SCN8A: variants seen among roughly 807,000 people sequenced by gnomAD.
The protein encoded by SCN8A is sodium voltage-gated channel alpha subunit 8.
In SCN8A, 30 loss-of-function variants were observed where a neutral mutation model predicts 184.1. That is an observed-to-expected ratio of 0.16 (90% CI 0.12 to 0.22). The LOEUF (loss-of-function observed/expected upper bound fraction) is 0.22, where lower values mean the gene tolerates loss of function less well. SCN8A is among the 10% of genes least tolerant of loss of function. SCN8A has a pLI of 1.00. For missense variants in SCN8A, 1,057 were observed against 2,498.9 expected, an observed-to-expected ratio of 0.42 and a Z score of 12.30; for synonymous variants, 852 against 907.0, an observed-to-expected ratio of 0.94 and a Z score of 1.09.
At chr12:51,771,692 C>A (rs965332037) in intron 19 of SCN8A, among the ~76,000 whole-genome samples, 9 of 152,180 alleles carry the variant, frequency 5.9e-5, no homozygotes, top group African/African-American at 9.7e-5. Flanking sequence ...AGCCACTGAT[C>A]TGAGTGAAGG....
intron 3 of SCN8A, among the ~76,000 whole-genome samples, chr12:51,685,731 C>T (rs1273018353): frequency 6.6e-6 from 1 of 152,094 alleles, no homozygotes; most frequent in African/African-American, 2.4e-5. Flanking sequence ...AAAGACAATT[C>T]AGCCCTTTAG....
intron 14 of SCN8A, among the ~76,000 whole-genome samples, chr12:51,758,190 C>T (rs1942706536): frequency 6.6e-6 from 1 of 152,128 alleles, no homozygotes; most frequent in Non-Finnish European, 1.5e-5. Flanking sequence ...AGACATGCAG[C>T]TCATCCCTAT....
At chr12:51,639,867 T>C (rs1403338847) in intron 1 of SCN8A, among the ~76,000 whole-genome samples, 2 of 134,582 alleles carry the variant, frequency 1.5e-5, no homozygotes, top group Non-Finnish European at 3.2e-5. Context: ...ATTTTTTGAA[T>C]TAAGGTATAT....
chr12:51,790,126 C>G (rs1938203951), intron 24 of SCN8A, among the ~76,000 whole-genome samples: 1 of 152,250 alleles, frequency 6.6e-6, no homozygotes, highest in Non-Finnish European at 1.5e-5. Flanking sequence ...TCACTGCTCT[C>G]AAGTTTACCC....
At chr12:51,748,105 C>T (rs967257474) in intron 13 of SCN8A, among the ~76,000 whole-genome samples, 3 of 152,122 alleles carry the variant, frequency 2.0e-5, no homozygotes, top group Non-Finnish European at 2.9e-5. Flanking sequence ...AATGGCTGAC[C>T]GGAATCACGT....
chr12:51,676,215 T>C (rs1279411778), intron 2 of SCN8A, among the ~76,000 whole-genome samples: 2 of 152,180 alleles, frequency 1.3e-5, no homozygotes, highest in African/African-American at 4.8e-5. Flanking sequence ...AGGACACGGG[T>C]ACTCTGGAAA....
intron 20 of SCN8A, 84 bp from the exon 21 acceptor site, chr12:51,780,565 C>CTTTTCTTT (rs1937873541): frequency 3.4e-6 from 1 of 293,020 alleles, no homozygotes; most frequent in African/African-American, 1.3e-4. Context: ...TGTTTTCTTT[C>CTTTTCTTT]TTTTTTTTTT....
intron 11 of SCN8A, among the ~76,000 whole-genome samples, chr12:51,721,224 G>A (rs1196215459): frequency 1.3e-5 from 2 of 150,686 alleles, no homozygotes; most frequent in African/African-American, 4.9e-5. Flanking sequence ...CCTCCTCTGA[G>A]CCCATGGTAA....
At chr12:51,668,667 C>T (rs984677565) in intron 2 of SCN8A, among the ~76,000 whole-genome samples, 1 of 152,180 alleles carries the variant, frequency 6.6e-6, no homozygotes, top group African/African-American at 2.4e-5. Flanking sequence ...ATTGTATCTT[C>T]TCAAGTCAAG....
chr12:51,755,010 C>T (rs1244066440), intron 14 of SCN8A, among the ~76,000 whole-genome samples: 1 of 152,140 alleles, frequency 6.6e-6, no homozygotes, highest in Non-Finnish European at 1.5e-5. Flanking sequence ...TCTATAGGTT[C>T]TAGATTTTTG....
intron 24 of SCN8A, among the ~76,000 whole-genome samples, chr12:51,789,858 T>C (rs866013238): frequency 2.0e-5 from 3 of 152,236 alleles, no homozygotes; most frequent in African/African-American, 7.2e-5. Flanking sequence ...TTGTTCTAGA[T>C]GGTTAACAAG....
At chr12:51,788,785 A>G (rs1483234549) in intron 23 of SCN8A, 37 bp downstream of exon 23, 5 of 1,586,374 alleles carry the variant, frequency 3.2e-6, no homozygotes, top group Non-Finnish European at 4.3e-6. Flanking sequence ...ACCTTCTCAG[A>G]TGGCTGGAAA....
rs554429879 is a variant in SCN8A, at chr12:51,786,441, A to G, written c.3943-101A>G. On this transcript the variant is annotated intron_variant, in intron 21 of 26. Coordinates refer to ENST00000627620, the MANE Select transcript of SCN8A (RefSeq NM_001330260.2). ...ATTCCAAAGGGAATGTAATGTTTCC[A>G]TACAGAACAAGCCACACAATGTCAT... 279 of 1,305,804 alleles carry G rather than the reference A, an allele frequency of 2.1e-4. 3 individuals carry two copies. The highest frequency in any genetic ancestry group is 2.0e-3 in the Middle Eastern group (10 of 5,008). The allele number at this position is 1,305,804 out of a possible 1,614,324, so 80.9% of individuals were successfully genotyped here. A position where few individuals can be genotyped will look rare whatever the true frequency, so the allele number is the denominator to read the frequency against.
chr12:51,686,543 G>T (rs1272225948), intron 4 of SCN8A, 86 bp downstream of exon 4: 1 of 899,800 alleles, frequency 1.1e-6, no homozygotes, highest in Non-Finnish European at 1.8e-6. Context: ...ACCCATCAAG[G>T]AGAAAAAAAA....
Position 51,687,232 on chromosome 12 carries a change from C to T in SCN8A, c.614+13C>T, listed in dbSNP as rs766220422. 5.0e-6 allele frequency: 8 copies of T among 1,612,802 alleles called. No individual in the cohort carries two copies. The East Asian group carries it at 1.3e-4, about 27-fold the overall frequency. On this transcript the variant is annotated intron_variant, in intron 5 of 26. Coordinates refer to ENST00000627620, the MANE Select transcript of SCN8A (RefSeq NM_001330260.2). ...TCATCATGATGGCGTAAGTTCTCCCCTTACTTTATTGGTGTTCTGGGTGTG... is the reference window on the plus strand; with the variant it reads ...TCATCATGATGGCGTAAGTTCTCCCTTTACTTTATTGGTGTTCTGGGTGTG...
chr12:51,704,084 G>A (rs1592391465), intron 9 of SCN8A, among the ~76,000 whole-genome samples: 1 of 151,720 alleles, frequency 6.6e-6, no homozygotes, highest in South Asian at 2.1e-4. Context: ...TAGAGACGGG[G>A]TTTCACCATG....
At chr12:51,726,381 A>G (rs1258108167) in intron 12 of SCN8A, among the ~76,000 whole-genome samples, 2 of 152,238 alleles carry the variant, frequency 1.3e-5, no homozygotes, top group Non-Finnish European at 2.9e-5. Context: ...CTTATGAAAC[A>G]GATACTGCTA....
Position 51,721,744 on chromosome 12 carries a change from A to G in SCN8A, c.1834A>G (p.Ser612Gly), listed in dbSNP as rs775387492. 2 of 1,607,810 alleles carry G rather than the reference A, an allele frequency of 1.2e-6. No individual in the cohort carries two copies. Among genetic ancestry groups the G allele is most frequent in the African/African-American group, 1.3e-5 (1 of 74,950 alleles). The part of the protein sequence containing the change: ...FIPIRARERR[S>G]SYSGYSGYSQ... Reference sequence around the variant, plus strand: ...CCCCATCCGGGCCCGCGAGCGCCGGAGCAGCTACAGCGGCTACAGCGGCTA... The same window carrying G: ...CCCCATCCGGGCCCGCGAGCGCCGGGGCAGCTACAGCGGCTACAGCGGCTA... The change falls in exon 12 of 27, where the codon AGC becomes GGC. Residue 612 changes from serine to glycine, a missense_variant. Around this residue, in one of 19 missense-constraint regions of SCN8A, gnomAD observed 322 missense variants for 390.1 expected, o/e 0.83. Transcript: ENST00000627620.
At chr12:51,624,232 T>A (rs1257096767) in intron 1 of SCN8A, among the ~76,000 whole-genome samples, 1 of 152,184 alleles carries the variant, frequency 6.6e-6, no homozygotes, top group Non-Finnish European at 1.5e-5. Flanking sequence ...CCACCAACAG[T>A]GTAAAAGTGT....
Sources: allele counts gnomAD v4.1 joint callset (sites outside exome capture counted in the v4.1 genomes callset), GRCh38; gene constraint gnomAD v4.1.1; regional missense constraint gnomAD v4.1.1; transcripts MANE v1.5; gene names NCBI Gene and HGNC (gene_info 2026-07-23, HGNC 2026-07-21).